Variants in NPHP1 observed in about 807,000 individuals in gnomAD.
NPHP1 encodes nephrocystin 1, also known as nephrocystin-1.
Under a neutral mutation model 90.4 loss-of-function variants are expected in NPHP1, and 70 were observed. The observed-to-expected ratio is 0.77, with a 90% CI of 0.64 to 0.95. The LOEUF (loss-of-function observed/expected upper bound fraction) is 0.95. Among genes scored for constraint, NPHP1 ranks in the 40% least tolerant of loss-of-function variants. The pLI, the probability that NPHP1 is intolerant of heterozygous loss-of-function variation, is 0.00. For synonymous variants in NPHP1, 256 were observed against 271.7 expected (o/e 0.94, Z 0.57); for missense variants, 764 against 795.9 (o/e 0.96, Z 0.48).
At chr2:110,196,482 G>A (rs1332594072) in intron 2 of NPHP1, among the ~76,000 whole-genome samples, 5 of 152,060 alleles carry the variant, frequency 3.3e-5, no homozygotes, top group Admixed American at 2.0e-4. Context: ...TTAGAATGGC[G>A]ATCATTAAAA....
At position 110,143,579 on chromosome 2, in the gene NPHP1, G is replaced by C; in HGVS notation, c.1492C>G (p.Leu498Val). The change falls in exon 16 of 20, where the codon CTG becomes GTG. Residue 498 changes from leucine (L) to valine (V), a missense_variant. Physicochemically the swap from Leu to Val is conservative, Grantham distance 32. Coordinates refer to ENST00000445609, the MANE Select transcript of NPHP1 (RefSeq NM_001128178.3). The stretch of plus-strand genomic sequence containing the variant: ...CTTGATCTTCTGTTCAAGGATCTCA[G>C]TTTCACTAGAAGTTGAGGCTGCCTT... ...MRRQPQLLVK[L>V]RSLNRRSRNV... 6.2e-7 allele frequency: 1 copy of C among 1,613,584 alleles called. No homozygotes were observed. Among genetic ancestry groups the C allele is most frequent in the Non-Finnish European group, 8.5e-7 (1 of 1,179,476 alleles).
At chr2:110,197,614 C>T (rs1313797405) in intron 2 of NPHP1, among the ~76,000 whole-genome samples, 1 of 152,110 alleles carries the variant, frequency 6.6e-6, no homozygotes, top group Non-Finnish European at 1.5e-5. Context: ...CTCTTAGATA[C>T]TGAGGGTATG....
At chr2:110,185,450 T>C (rs1038601175) in intron 2 of NPHP1, among the ~76,000 whole-genome samples, 3 of 152,156 alleles carry the variant, frequency 2.0e-5, no homozygotes, top group African/African-American at 7.2e-5. Context: ...CACTCCCTCC[T>C]CAGGTGGGCC....
At chr2:110,132,856 AGG>A (rs1679892628) in intron 16 of NPHP1, among the ~76,000 whole-genome samples, 2 of 152,318 alleles carry the variant, frequency 1.3e-5, no homozygotes, top group Non-Finnish European at 1.5e-5. Flanking sequence ...TTATAACTTT[AGG>A]ATGTTATATG....
chr2:110,158,175 A>T (rs1264664674), intron 11 of NPHP1, among the ~76,000 whole-genome samples: 1 of 152,078 alleles, frequency 6.6e-6, no homozygotes, highest in African/African-American at 2.4e-5. Context: ...ATATTATATG[A>T]TTCCAATTCT....
intron 2 of NPHP1, among the ~76,000 whole-genome samples, chr2:110,190,129 T>C (rs1684601819): frequency 6.6e-6 from 1 of 152,168 alleles, no homozygotes; most frequent in South Asian, 2.1e-4. Flanking sequence ...ACATAAAGGT[T>C]CTCCACATCC....
chr2:110,166,125 C>G (rs572601732), intron 6 of NPHP1, among the ~76,000 whole-genome samples: 1 of 152,130 alleles, frequency 6.6e-6, no homozygotes, highest in Non-Finnish European at 1.5e-5. Flanking sequence ...TGTGAGGAAA[C>G]AGCACTCACT....
chr2:110,185,172 A>G, intron 2 of NPHP1: 1 of 559,732 alleles, frequency 1.8e-6, no homozygotes, highest in East Asian at 4.9e-5. Flanking sequence ...TCCACAGGAA[A>G]ACCTTCTAAT....
intron 14 of NPHP1, among the ~76,000 whole-genome samples, chr2:110,146,334 T>A (rs369955157): frequency 6.6e-6 from 1 of 152,094 alleles, no homozygotes; most frequent in African/African-American, 2.4e-5. Flanking sequence ...AAAGTTTAAA[T>A]CATTTACCGT....
chr2:110,196,274 A>C (rs1185589569), intron 2 of NPHP1, among the ~76,000 whole-genome samples: 5 of 152,198 alleles, frequency 3.3e-5, no homozygotes, highest in Non-Finnish European at 5.9e-5. Flanking sequence ...GGGCTAATAT[A>C]CAGAATCTAC....
At chr2:110,184,664 T>TGATTTCCACTCATCGTTTGA (rs1684155841) in intron 2 of NPHP1, 5 of 758,698 alleles carry the variant, frequency 6.6e-6, no homozygotes, top group African/African-American at 1.7e-5. Flanking sequence ...AGGAGGGCTA[T>TGATTTCCACTCATCGTTTGA]GATTTCCACT....
At chr2:110,195,693 CA>C (rs1685117938) in intron 2 of NPHP1, among the ~76,000 whole-genome samples, 1 of 152,058 alleles carries the variant, frequency 6.6e-6, no homozygotes, top group Non-Finnish European at 1.5e-5. Context: ...CCCACATTAC[CA>C]AGTCAATCCT....
chr2:110,164,502 A>AC, intron 8 of NPHP1, 186 bp downstream of exon 8: 1 of 1,249,118 alleles, frequency 8.0e-7, no homozygotes, highest in Non-Finnish European at 1.2e-6. Flanking sequence ...AAAAAAAAAA[A>AC]CTAATGAGAA....
chr2:110,168,717 T>A lies in NPHP1; in HGVS notation c.523-164A>T, dbSNP rs1006133370. Among the ~76,000 whole-genome samples the A allele has an allele frequency of 3.8e-4, 58 of 152,148 alleles. 2 individuals carry two copies. The highest frequency in any genetic ancestry group is 4.4e-5 in the Non-Finnish European group (3 of 68,008). ...AAGCTTCCCTATCACCCGACCCCTA[T>A]GTATTCTGCCTAACTCACCTAAAAC... On this transcript the variant is annotated intron_variant, in intron 5 of 19. Coordinates refer to ENST00000445609, the MANE Select transcript of NPHP1 (RefSeq NM_001128178.3).
intron 11 of NPHP1, among the ~76,000 whole-genome samples, chr2:110,152,754 G>T (rs969699352): frequency 2.0e-5 from 3 of 152,024 alleles, no homozygotes; most frequent in East Asian, 3.9e-4. Context: ...CATCATCTTA[G>T]ATCAAGAACT....
At chr2:110,171,960 A>AT (rs1683154327) in intron 4 of NPHP1, among the ~76,000 whole-genome samples, 1 of 152,126 alleles carries the variant, frequency 6.6e-6, no homozygotes. Flanking sequence ...CTCTGGAATG[A>AT]TTTTTTAATA....
At chr2:110,188,420 A>T (rs572400675) in intron 2 of NPHP1, among the ~76,000 whole-genome samples, 3 of 152,248 alleles carry the variant, frequency 2.0e-5, no homozygotes, top group African/African-American at 7.2e-5. Flanking sequence ...AACTGCTACA[A>T]AAAGAATAAA....
At chr2:110,184,689 T>G in intron 2 of NPHP1, 1 of 731,680 alleles carries the variant, frequency 1.4e-6, no homozygotes, top group Non-Finnish European at 2.5e-6. Flanking sequence ...GTTTGAGATT[T>G]CCACTCATCC....
intron 11 of NPHP1, among the ~76,000 whole-genome samples, chr2:110,150,903 C>A (rs528323884): frequency 6.6e-6 from 1 of 151,240 alleles, no homozygotes; most frequent in South Asian, 2.1e-4. Context: ...CAGTGGCTCA[C>A]GACTGTAATC....
Sources: gnomAD v4.1 joint callset for allele counts (sites outside exome capture counted in the v4.1 genomes callset) on GRCh38, gnomAD v4.1.1 for gene constraint, MANE v1.5 for transcripts, NCBI Gene and HGNC (gene_info 2026-07-23, HGNC 2026-07-21) for gene names.